Variants in NCEH1 observed in about 807,000 individuals in gnomAD.
NCEH1 encodes the protein neutral cholesterol ester hydrolase 1, also known as 2-acetyl MAGE hydrolase.
In NCEH1, 9 loss-of-function variants were observed where a neutral mutation model predicts 25.4. The ratio of observed to expected loss-of-function variants is 0.35; its 90% CI spans 0.21 to 0.62. The LOEUF (loss-of-function observed/expected upper bound fraction) is 0.62. NCEH1 is among the 20% of genes least tolerant of loss of function. The pLI, the probability that NCEH1 is intolerant of heterozygous loss-of-function variation, is 0.72. For missense variants in NCEH1, 412 were observed against 501.1 expected (o/e 0.82, Z 1.70); for synonymous variants, 200 against 199.8 (o/e 1.00, Z -0.01).
chr3:172,634,039 ATAAAT>A lies in NCEH1; in HGVS notation c.658_662del (p.Ile220SerfsTer9), dbSNP rs1716497266. 1 of 1,614,078 alleles carries A rather than the reference ATAAAT, an allele frequency of 6.2e-7. No individual in the cohort carries two copies. Among genetic ancestry groups the A allele is most frequent in the African/African-American group, 1.3e-5 (1 of 74,924 alleles). On this transcript the variant is annotated frameshift_variant, in exon 5 of 5. Coordinates refer to ENST00000475381, the MANE Select transcript of NCEH1 (RefSeq NM_020792.6). LOFTEE classifies it low-confidence loss of function (END_TRUNC). ...TAAAATCTAAAGCTTGAAGAACTGG[ATAAAT>A]TAAAGCTTGTAGTTTGAGCTTATTT... is the stretch of plus-strand genomic sequence containing the variant.
At chr3:172,704,957 G>T (rs1423673387) in intron 1 of NCEH1, among the ~76,000 whole-genome samples, 14 of 152,114 alleles carry the variant, frequency 9.2e-5, no homozygotes, top group Admixed American at 9.2e-4. Flanking sequence ...CTTCACACAG[G>T]ATTTCAATCC....
At chr3:172,699,050 A>G (rs1713537895) in intron 1 of NCEH1, among the ~76,000 whole-genome samples, 1 of 152,224 alleles carries the variant, frequency 6.6e-6, no homozygotes, top group Non-Finnish European at 1.5e-5. Context: ...ATAAGTAGCA[A>G]CATAAGCAAC....
intron 1 of NCEH1, among the ~76,000 whole-genome samples, chr3:172,701,986 A>G (rs1338596727): frequency 3.9e-5 from 6 of 152,230 alleles, no homozygotes; most frequent in African/African-American, 1.4e-4. Context: ...CCTCAGCTAC[A>G]CCATCCTCTC....
chr3:172,675,739 ATGT>A (rs879776957), intron 1 of NCEH1, among the ~76,000 whole-genome samples: 9 of 152,210 alleles, frequency 5.9e-5, no homozygotes, highest in Non-Finnish European at 1.3e-4. Context: ...CTCAAGGAAA[ATGT>A]TACTTTTATG....
chr3:172,642,748 T>C (rs1374881166), intron 3 of NCEH1, among the ~76,000 whole-genome samples: 1 of 152,160 alleles, frequency 6.6e-6, no homozygotes, highest in East Asian at 1.9e-4. Flanking sequence ...CTTTTGAATA[T>C]CTGAACTCCT....
intron 2 of NCEH1, among the ~76,000 whole-genome samples, chr3:172,647,129 A>C (rs1196566649): frequency 6.6e-6 from 1 of 152,206 alleles, no homozygotes; most frequent in Non-Finnish European, 1.5e-5. Flanking sequence ...AAAATCACAT[A>C]ATGATAAAAT....
At chr3:172,646,521 C>T (rs2108495729) in intron 2 of NCEH1, among the ~76,000 whole-genome samples, 1 of 152,254 alleles carries the variant, frequency 6.6e-6, no homozygotes, top group South Asian at 2.1e-4. Flanking sequence ...TCTGCAGTAA[C>T]AGAACCAATT....
intron 1 of NCEH1, among the ~76,000 whole-genome samples, chr3:172,674,908 A>G (rs1239899663): frequency 6.6e-6 from 1 of 152,232 alleles, no homozygotes; most frequent in Non-Finnish European, 1.5e-5. Context: ...AAGCAAACAT[A>G]GAAGTTTTAC....
At chr3:172,708,377 CAG>C (rs1714120882) in intron 1 of NCEH1, among the ~76,000 whole-genome samples, 1 of 152,106 alleles carries the variant, frequency 6.6e-6, no homozygotes, top group Admixed American at 6.5e-5. Context: ...TTTTTTGAGA[CAG>C]AGTTTCACTC....
intron 3 of NCEH1, among the ~76,000 whole-genome samples, chr3:172,638,275 CCAAAAAAAAAA>C (rs1301528196): frequency 2.7e-4 from 22 of 81,900 alleles, no homozygotes; most frequent in African/African-American, 8.6e-4. Context: ...GAGACTCTGT[CCAAAAAAAAAA>C]AAAAAAAAAA....
At chr3:172,708,894 CAGGA>C (rs1714151676) in intron 1 of NCEH1, among the ~76,000 whole-genome samples, 1 of 152,118 alleles carries the variant, frequency 6.6e-6, no homozygotes, top group Non-Finnish European at 1.5e-5. Context: ...AGGGAAAACT[CAGGA>C]AGATTTGAGG....
chr3:172,706,172 A>T (rs1462329433), intron 1 of NCEH1, among the ~76,000 whole-genome samples: 1 of 152,060 alleles, frequency 6.6e-6, no homozygotes, highest in Non-Finnish European at 1.5e-5. Context: ...TGCCTGGATT[A>T]AAAAAAGCTT....
intron 1 of NCEH1, among the ~76,000 whole-genome samples, chr3:172,668,347 C>CTTTTT (rs1560193718): frequency 6.9e-5 from 6 of 87,362 alleles, no homozygotes; most frequent in Admixed American, 1.4e-4. Flanking sequence ...GAAAAGGAAG[C>CTTTTT]ATTTTTTTTT....
At chr3:172,645,742 G>A (rs1717090002) in intron 2 of NCEH1, 50 bp from the exon 3 acceptor site, 3 of 1,119,092 alleles carry the variant, frequency 2.7e-6, no homozygotes, top group Non-Finnish European at 3.9e-6. Context: ...ATTTAATACT[G>A]TCCACTCATA....
At chr3:172,695,477 A>T (rs1172261248) in intron 1 of NCEH1, among the ~76,000 whole-genome samples, 2 of 152,330 alleles carry the variant, frequency 1.3e-5, no homozygotes, top group East Asian at 3.9e-4. Flanking sequence ...ACCTCCAGAC[A>T]GATTACCTGG....
At chr3:172,698,603 G>C (rs1479907165) in intron 1 of NCEH1, among the ~76,000 whole-genome samples, 1 of 152,138 alleles carries the variant, frequency 6.6e-6, no homozygotes, top group South Asian at 2.1e-4. Flanking sequence ...CCTATTCAAG[G>C]GGAAAAAGAA....
chr3:172,644,404 CAG>C (rs1250851439), intron 3 of NCEH1, among the ~76,000 whole-genome samples: 3 of 152,130 alleles, frequency 2.0e-5, no homozygotes, highest in African/African-American at 7.2e-5. Flanking sequence ...GGATAGCTGA[CAG>C]AGAGGCAGAG....
chr3:172,696,459 C>A (rs1713378780), intron 1 of NCEH1, among the ~76,000 whole-genome samples: 1 of 152,170 alleles, frequency 6.6e-6, no homozygotes. Flanking sequence ...AGGTATTGCT[C>A]CAAGTGCTTT....
chr3:172,683,757 C>T (rs1397188468), intron 1 of NCEH1, among the ~76,000 whole-genome samples: 1 of 152,194 alleles, frequency 6.6e-6, no homozygotes, highest in Non-Finnish European at 1.5e-5. Flanking sequence ...AATTTAACTG[C>T]TTGATAGGCT....
Sources: gnomAD v4.1 joint callset for allele counts (sites outside exome capture counted in the v4.1 genomes callset) on GRCh38, gnomAD v4.1.1 for gene constraint, MANE v1.5 for transcripts, NCBI Gene and HGNC (gene_info 2026-07-23, HGNC 2026-07-21) for gene names.